Variants in CELF2 observed in about 807,000 individuals in gnomAD.
The protein encoded by CELF2 is CUG triplet repeat RNA-binding protein 2.
Under a neutral mutation model 62.6 loss-of-function variants are expected in CELF2, and 8 were observed. That is an observed-to-expected ratio of 0.13 (90% confidence interval 0.07 to 0.23). CELF2 has a LOEUF of 0.23. Ranked by LOEUF, CELF2 falls within the 10% of genes least tolerant of loss-of-function variation. The pLI, the probability that CELF2 is intolerant of heterozygous loss-of-function variation, is 1.00. For missense variants in CELF2, 333 were observed against 671.0 expected, an observed-to-expected ratio of 0.50 and a Z score of 5.56; for synonymous variants, 258 against 250.0, an observed-to-expected ratio of 1.03 and a Z score of -0.30.
intron 1 of CELF2, among the ~76,000 whole-genome samples, chr10:11,048,674 A>G (rs1291879): frequency 0.12 from 18,168 of 152,248 alleles, 1,269 homozygotes; most frequent in African/African-American, 0.2. Flanking sequence ...ATCTAAGAAC[A>G]CAGTCTTCCT....
the CELF2 span, among the ~76,000 whole-genome samples, chr10:10,734,143 G>T: frequency 2.0e-5 from 3 of 151,454 alleles, no homozygotes; most frequent in African/African-American, 4.9e-5. Flanking sequence ...CAACAATCTT[G>T]TCTTCTTTTT....
intron 2 of CELF2, among the ~76,000 whole-genome samples, chr10:11,210,241 G>C (rs2061483089): frequency 6.6e-6 from 1 of 152,152 alleles, no homozygotes; most frequent in African/African-American, 2.4e-5. Flanking sequence ...GTCATCAGAT[G>C]ATCAGTCTGG....
chr10:10,825,210 T>G (rs2038666), intron 1 of CELF2, among the ~76,000 whole-genome samples: 71,995 of 151,860 alleles, frequency 0.47, 17,628 homozygotes, highest in African/African-American at 0.6. Context: ...TGTTTTTTGT[T>G]TTTTGTGTTT....
chr10:11,204,530 C>T (rs952744174), intron 2 of CELF2, among the ~76,000 whole-genome samples: 1 of 152,238 alleles, frequency 6.6e-6, no homozygotes, highest in African/African-American at 2.4e-5. Context: ...TGCCTGGCAC[C>T]ACGCCATGCC....
At chr10:10,623,915 C>G in the CELF2 span, among the ~76,000 whole-genome samples, 1 of 152,146 alleles carries the variant, frequency 6.6e-6, no homozygotes, top group African/African-American at 2.4e-5. Context: ...GAGCCTGGCC[C>G]GGAACCCAGG....
chr10:10,664,310 C>T, the CELF2 span, among the ~76,000 whole-genome samples: 20 of 152,232 alleles, frequency 1.3e-4, no homozygotes, highest in Non-Finnish European at 2.5e-4. Flanking sequence ...TTTACTGCAA[C>T]AAGTTCAGGG....
rs964815777 is a variant in CELF2, at chr10:11,306,783, C to T, written c.977-7356C>T. ...CGTCTCCCCAACTTTCTACTGGGAC[C>T]GTCTAAGAACAGCGTAGTAAGAAGT... On this transcript the variant is annotated intron_variant, in intron 9 of 12. Transcript: ENST00000633077. This position sits in a 1 kb window ranked among gnomAD's most constrained non-coding sequence, Gnocchi z 4.4. 1.3e-5 allele frequency among the ~76,000 whole-genome samples: 2 copies of T among 152,060 alleles called. No individual in the cohort carries two copies. The highest frequency in any genetic ancestry group is 1.9e-4 in the East Asian group (1 of 5,178).
chr10:11,103,463 G>A (rs1392258512), intron 1 of CELF2, among the ~76,000 whole-genome samples: 11 of 144,684 alleles, frequency 7.6e-5, no homozygotes, highest in South Asian at 2.2e-4. Flanking sequence ...CTTCTGAATC[G>A]GATAAACCTG....
intron 8 of CELF2, among the ~76,000 whole-genome samples, chr10:11,276,380 T>A (rs552057415): frequency 6.6e-6 from 1 of 152,322 alleles, no homozygotes; most frequent in Admixed American, 6.5e-5. Flanking sequence ...TTATTAGAAA[T>A]AGGAATAACT....
chr10:10,699,226 T>A, the CELF2 span, among the ~76,000 whole-genome samples: 1 of 152,170 alleles, frequency 6.6e-6, no homozygotes, highest in Non-Finnish European at 1.5e-5. Flanking sequence ...CATATCAAAT[T>A]TATGAAAGAA....
At chr10:10,659,745 A>G in the CELF2 span, among the ~76,000 whole-genome samples, 2 of 152,202 alleles carry the variant, frequency 1.3e-5, no homozygotes, top group African/African-American at 4.8e-5. Context: ...TCCCTCAGTG[A>G]CAGGCAAGGC....
intron 1 of CELF2, among the ~76,000 whole-genome samples, chr10:10,916,673 C>T (rs573752184): frequency 1.3e-5 from 2 of 152,306 alleles, no homozygotes; most frequent in South Asian, 2.1e-4. Context: ...AGTGCAGTGG[C>T]GTGATCGCTG....
At chr10:11,135,204 T>C (rs17376921) in intron 1 of CELF2, among the ~76,000 whole-genome samples, 6,003 of 152,346 alleles carry the variant, frequency 0.039, 146 homozygotes, top group Middle Eastern at 0.048. Flanking sequence ...TAATGCTCTC[T>C]CTTAACTTAA....
Position 11,285,581 on chromosome 10 carries a change from GAGA to G in CELF2, c.842-2834_842-2832del, listed in dbSNP as rs1281473443. ...ACCTTTAGTGAATGTCAGTGGGTGA[GAGA>G]AGGACTAAACATGGGCCCTAGTAAG... is the stretch of plus-strand genomic sequence containing the variant. On this transcript the variant is annotated intron_variant, in intron 8 of 12. Transcript: ENST00000633077. The surrounding 1 kb of genome is among the most constrained non-coding windows in gnomAD (Gnocchi z 4.3). Among the ~76,000 whole-genome samples the G allele has an allele frequency of 6.6e-6, 1 of 152,202 alleles. No individual in the cohort carries two copies. Among genetic ancestry groups the G allele is most frequent in the Admixed American group, 6.5e-5 (1 of 15,278 alleles).
chr10:10,873,859 G>A (rs2060915987), intron 1 of CELF2, among the ~76,000 whole-genome samples: 1 of 152,154 alleles, frequency 6.6e-6, no homozygotes, highest in South Asian at 2.1e-4. Flanking sequence ...GGGGTGTGGA[G>A]GAAACAGCTT....
rs376188352 is a variant in CELF2 at position 11,247,105 on chromosome 10, C to T, written c.355-2048C>T. Among the ~76,000 whole-genome samples, 30 of 152,372 alleles carry T rather than the reference C, an allele frequency of 2.0e-4. No individual in the cohort carries two copies. The East Asian group carries it at 5.4e-3, about 27-fold the overall frequency. On this transcript the variant is annotated intron_variant, in intron 3 of 12. Coordinates refer to ENST00000633077, the MANE Select transcript of CELF2 (RefSeq NM_001326342.2). This position sits in a 1 kb window ranked among gnomAD's most constrained non-coding sequence, Gnocchi z 5.4. ...GGCAGCAGCCTCTTAACTGTCCTCC[C>T]TGCCTGTGTCTCTCGTCTGTAATCC...
intron 2 of CELF2, among the ~76,000 whole-genome samples, chr10:10,925,621 G>A (rs749268372): frequency 1.3e-5 from 2 of 152,092 alleles, no homozygotes; most frequent in Non-Finnish European, 2.9e-5. Flanking sequence ...AGCGAGATGG[G>A]CTAGTTCTGA....
At chr10:10,868,951 G>A (rs1050715228) in intron 1 of CELF2, among the ~76,000 whole-genome samples, 2 of 152,058 alleles carry the variant, frequency 1.3e-5, no homozygotes, top group South Asian at 2.1e-4. Context: ...TTTCTTTCTC[G>A]ACTACAGAAC....
intron 1 of CELF2, among the ~76,000 whole-genome samples, chr10:11,071,218 G>T (rs1056816120): frequency 2.0e-5 from 3 of 152,204 alleles, no homozygotes; most frequent in African/African-American, 7.2e-5. Context: ...CACTTGGCCT[G>T]TGTTTTGCAG....
Sources: gnomAD v4.1 joint callset for allele counts (sites outside exome capture counted in the v4.1 genomes callset) on GRCh38, gnomAD v4.1.1 for gene constraint, Gnocchi (gnomAD v3.1) non-coding constraint, MANE v1.5 for transcripts, NCBI Gene and HGNC (gene_info 2026-07-23, HGNC 2026-07-21) for gene names.